The following FHIT variants were observed in gnomAD, a reference collection of about 807,000 sequenced individuals.
FHIT encodes bis(5'-adenosyl)-triphosphatase.
A neutral mutation model predicts 17.9 loss-of-function variants in FHIT; 19 were observed. That is an observed-to-expected ratio of 1.06 (90% CI 0.74 to 1.56). The LOEUF is 1.56. FHIT is among the 40% of genes most tolerant of loss of function. The pLI is 0.00. For synonymous variants in FHIT, 81 were observed against 69.7 expected (o/e 1.16, Z -0.81); for missense variants, 248 against 189.2 (o/e 1.31, Z -1.82).
intron 5 of FHIT, among the ~76,000 whole-genome samples, chr3:60,449,649 G>A (rs1384939656): frequency 6.6e-6 from 1 of 151,938 alleles, no homozygotes; most frequent in Non-Finnish European, 1.5e-5. Flanking sequence ...AATACTGTAG[G>A]TAATTGTAAC....
chr3:60,149,726 T>C (rs1700378473), intron 5 of FHIT, among the ~76,000 whole-genome samples: 2 of 151,962 alleles, frequency 1.3e-5, no homozygotes, highest in Non-Finnish European at 2.9e-5. Context: ...TCCTTAGACA[T>C]GAAGAATGTG....
At chr3:60,394,113 G>C (rs552664766) in intron 5 of FHIT, among the ~76,000 whole-genome samples, 1 of 152,222 alleles carries the variant, frequency 6.6e-6, no homozygotes, top group Admixed American at 6.5e-5. Context: ...GGAAGGATGT[G>C]TAAGATAGAG....
At chr3:60,338,025 T>A (rs1279521797) in intron 5 of FHIT, among the ~76,000 whole-genome samples, 1 of 152,178 alleles carries the variant, frequency 6.6e-6, no homozygotes, top group Non-Finnish European at 1.5e-5. Flanking sequence ...CAAATAATGT[T>A]TCTTTTCGAA....
At chr3:60,114,036 AATATATATATATATAT>A (rs1157736530) in intron 5 of FHIT, among the ~76,000 whole-genome samples, 162 of 10,214 alleles carry the variant, frequency 0.016, 5 homozygotes, top group African/African-American at 0.03. Context: ...AAAAAAAAAA[AATATATATATATATAT>A]ATATATATAT....
At chr3:60,774,636 A>C (rs1700159416) in intron 4 of FHIT, among the ~76,000 whole-genome samples, 1 of 152,190 alleles carries the variant, frequency 6.6e-6, no homozygotes, top group Non-Finnish European at 1.5e-5. Context: ...GTTAGAGATG[A>C]ACAACAATAA....
chr3:60,246,137 A>G (rs868789754), intron 5 of FHIT, among the ~76,000 whole-genome samples: 2 of 152,144 alleles, frequency 1.3e-5, no homozygotes, highest in East Asian at 1.9e-4. Flanking sequence ...GTAAAGAGGC[A>G]TTGCAGTAAT....
At chr3:60,954,392 A>C (rs1295311484) in intron 3 of FHIT, among the ~76,000 whole-genome samples, 1 of 152,216 alleles carries the variant, frequency 6.6e-6, no homozygotes, top group Non-Finnish European at 1.5e-5. Flanking sequence ...GAACAAGGAA[A>C]GATGTTATCT....
At chr3:60,127,789 T>C (rs936310638) in intron 5 of FHIT, among the ~76,000 whole-genome samples, 2 of 152,048 alleles carry the variant, frequency 1.3e-5, no homozygotes, top group African/African-American at 2.4e-5. Flanking sequence ...TATATATCCA[T>C]GGCAGCCAAT....
intron 7 of FHIT, among the ~76,000 whole-genome samples, chr3:59,997,666 C>T (rs1699569173): frequency 6.6e-6 from 1 of 152,106 alleles, no homozygotes; most frequent in Non-Finnish European, 1.5e-5. Flanking sequence ...ATGTGATGTT[C>T]ACAAATCAAC....
At chr3:61,187,993 T>A (rs1300226757) in intron 2 of FHIT, among the ~76,000 whole-genome samples, 2 of 152,066 alleles carry the variant, frequency 1.3e-5, no homozygotes, top group Admixed American at 6.5e-5. Context: ...AGATCTAAAA[T>A]TGACACCCTA....
intron 5 of FHIT, among the ~76,000 whole-genome samples, chr3:60,204,221 G>A (rs1703052611): frequency 6.6e-6 from 1 of 152,016 alleles, no homozygotes; most frequent in Non-Finnish European, 1.5e-5. Context: ...ATGTACCCGT[G>A]AAAATGAGAA....
chr3:60,169,014 A>C (rs547630150), intron 5 of FHIT, among the ~76,000 whole-genome samples: 5 of 152,330 alleles, frequency 3.3e-5, no homozygotes, highest in Non-Finnish European at 1.5e-5. Context: ...ATACAGTTGG[A>C]GGATTCTTTG....
In FHIT at chr3:60,609,538, ACTGGTCTTGAACTCCTGAC is replaced by A. The variant is rs1159936580; in HGVS notation, c.-17-72578_-17-72560del. Among the ~76,000 whole-genome samples the A allele has an allele frequency of 4.6e-5, 7 of 151,938 alleles. No homozygotes were observed. The East Asian group carries it at 1.4e-3, about 30-fold the overall frequency. On this transcript the variant is annotated intron_variant, in intron 4 of 9. Transcript: ENST00000492590. ...GATGGGGTCTAACCATGTTGGTTAG[ACTGGTCTTGAACTCCTGAC>A]CTTGTGACTCACCCACCTCGGCCTC...
rs1448347341 is a variant in FHIT, at chr3:59,800,583, C to T, written c.349-48262G>A. Among the ~76,000 whole-genome samples the T allele has an allele frequency of 3.3e-5, 5 of 152,264 alleles. No individual in the cohort carries two copies. In the East Asian group the frequency reaches 9.7e-4, roughly 29 times the overall value. On this transcript the variant is annotated intron_variant, in intron 8 of 9. Coordinates refer to ENST00000492590, the MANE Select transcript of FHIT (RefSeq NM_002012.4). ...ATAATGAATTTCAGGTGCAAAGGAC[C>T]ACCGTCTAACAGCTAATTTGCTTCC...
intron 3 of FHIT, among the ~76,000 whole-genome samples, chr3:60,930,482 A>G (rs1286530449): frequency 6.6e-6 from 1 of 152,242 alleles, no homozygotes; most frequent in African/African-American, 2.4e-5. Flanking sequence ...CAAAGGACTA[A>G]TATCCAGAAT....
intron 4 of FHIT, among the ~76,000 whole-genome samples, chr3:60,541,665 T>C (rs2036190578): frequency 6.6e-6 from 1 of 152,196 alleles, no homozygotes; most frequent in Admixed American, 6.5e-5. Context: ...TTCAACTGAG[T>C]TGCCAAACTG....
At chr3:61,112,643 A>G (rs529205126) in intron 2 of FHIT, among the ~76,000 whole-genome samples, 16 of 152,292 alleles carry the variant, frequency 1.1e-4, no homozygotes, top group Admixed American at 3.3e-4. Context: ...GTGAGATATG[A>G]AATATCTTGC....
In FHIT at chr3:60,717,668, A is replaced by G. The variant is rs2041716913; in HGVS notation, c.-18+104251T>C. ...GAATCTTGGTTATAGTAGAACTTTA[A>G]GTGTTCTAGAGCAGTTGTTCTTCAA... On this transcript the variant is annotated intron_variant, in intron 4 of 9. Transcript: ENST00000492590. 1.3e-5 allele frequency among the ~76,000 whole-genome samples: 2 copies of G among 152,190 alleles called. 1 individual carries two copies. The highest frequency in any genetic ancestry group is 1.3e-4 in the Admixed American group (2 of 15,276).
intron 2 of FHIT, among the ~76,000 whole-genome samples, chr3:61,045,740 T>C (rs193086203): frequency 7.2e-4 from 110 of 152,274 alleles, no homozygotes; most frequent in African/African-American, 2.6e-3. Context: ...TAGTTGGAAG[T>C]AAAGCACTCC....
Sources: allele counts gnomAD v4.1 joint callset (sites outside exome capture counted in the v4.1 genomes callset), GRCh38; gene constraint gnomAD v4.1.1; transcripts MANE v1.5; gene names NCBI Gene and HGNC (gene_info 2026-07-23, HGNC 2026-07-21).